The following FAM222A variants were observed in gnomAD, a reference collection of about 807,000 sequenced individuals.
FAM222A encodes the protein family with sequence similarity 222 member A.
In FAM222A, 7 loss-of-function variants were observed where a neutral mutation model predicts 25.8. The observed-to-expected ratio is 0.27, with a 90% CI of 0.15 to 0.51. The LOEUF is 0.51. Among genes scored for constraint, FAM222A ranks in the 20% least tolerant of loss-of-function variants. FAM222A has a pLI of 0.97. For synonymous variants in FAM222A, 294 were observed against 298.8 expected (o/e 0.98, Z 0.17); for missense variants, 573 against 640.5 (o/e 0.89, Z 1.14).
chr12:109,714,883 G>A lies in FAM222A; in HGVS notation c.-61G>A, dbSNP rs1478868821. 2 of 152,744 alleles carry A rather than the reference G, an allele frequency of 1.3e-5. No homozygotes were observed. Among genetic ancestry groups the A allele is most frequent in the Non-Finnish European group, 2.9e-5 (2 of 68,544 alleles). 9.5% of individuals were successfully genotyped at this position (152,744 alleles called of 1,614,324 possible). ...TAGCTGAGACCTGGTGCCCTTCGAC[G>A]GCCTGGCTGATCCGGTGAGTTGTGC... On this transcript the variant is annotated 5_prime_UTR_variant, in exon 1 of 3. Transcript: ENST00000538780. This position sits in a 1 kb window ranked among gnomAD's most constrained non-coding sequence, Gnocchi z 4.2.
intron 1 of FAM222A, among the ~76,000 whole-genome samples, chr12:109,730,609 T>C (rs184876489): frequency 2.7e-3 from 405 of 152,288 alleles, no homozygotes; most frequent in Middle Eastern, 0.014. Flanking sequence ...CTGGGCCCCC[T>C]GAAGCTCTGT....
chr12:109,753,956 G>A (rs77146662), intron 2 of FAM222A, among the ~76,000 whole-genome samples: 4 of 152,328 alleles, frequency 2.6e-5, no homozygotes, highest in South Asian at 2.1e-4. Flanking sequence ...CACCCCTGCC[G>A]CAGGTACCAA....
At chr12:109,754,798 G>C (rs1188768214) in intron 2 of FAM222A, among the ~76,000 whole-genome samples, 1 of 151,854 alleles carries the variant, frequency 6.6e-6, no homozygotes, top group Non-Finnish European at 1.5e-5. Flanking sequence ...CTCCTGAATA[G>C]CTGGGACTAC....
At chr12:109,740,995 G>A (rs1222423236) in intron 1 of FAM222A, among the ~76,000 whole-genome samples, 2 of 152,198 alleles carry the variant, frequency 1.3e-5, no homozygotes, top group Non-Finnish European at 2.9e-5. Context: ...CAGCCTGGCT[G>A]GAAGGAGGGC....
intron 2 of FAM222A, among the ~76,000 whole-genome samples, chr12:109,753,471 C>A (rs1412318601): frequency 2.0e-5 from 3 of 152,042 alleles, no homozygotes; most frequent in Non-Finnish European, 2.9e-5. Context: ...CCTTGGTTTC[C>A]TCTGCTGTGA....
intron 1 of FAM222A, among the ~76,000 whole-genome samples, chr12:109,718,781 C>A (rs997121408): frequency 1.3e-5 from 2 of 152,204 alleles, no homozygotes; most frequent in African/African-American, 4.8e-5. Flanking sequence ...AGGATGTCGA[C>A]TATAATTATA....
chr12:109,760,089 G>A (rs1026182877), intron 2 of FAM222A, among the ~76,000 whole-genome samples: 2 of 152,128 alleles, frequency 1.3e-5, no homozygotes, highest in Admixed American at 6.5e-5. Flanking sequence ...AGCACACAAC[G>A]CAAGCTCCTA....
At chr12:109,757,776 C>T (rs1051924708) in intron 2 of FAM222A, among the ~76,000 whole-genome samples, 7 of 151,208 alleles carry the variant, frequency 4.6e-5, no homozygotes, top group African/African-American at 4.9e-5. Flanking sequence ...GGGGGCGGGA[C>T]GGGTAGGTGA....
intron 1 of FAM222A, among the ~76,000 whole-genome samples, chr12:109,727,905 G>A (rs770514445): frequency 7.2e-5 from 11 of 152,170 alleles, no homozygotes; most frequent in Non-Finnish European, 1.3e-4. Context: ...TCCCTCAATC[G>A]TGGCGGGACT....
intron 1 of FAM222A, among the ~76,000 whole-genome samples, chr12:109,736,178 C>T (rs2086821253): frequency 6.6e-6 from 1 of 152,216 alleles, no homozygotes; most frequent in South Asian, 2.1e-4. Flanking sequence ...GGTTTGCTCT[C>T]CAGCAGCCTG....
intron 1 of FAM222A, chr12:109,736,078 T>A (rs1314841881): frequency 2.0e-5 from 3 of 152,374 alleles, no homozygotes; most frequent in Admixed American, 2.0e-4. Context: ...CTAGCACTAG[T>A]GCAGAGGAAA....
intron 2 of FAM222A, among the ~76,000 whole-genome samples, chr12:109,766,203 A>G (rs764295744): frequency 6.6e-6 from 1 of 152,186 alleles, no homozygotes; most frequent in Non-Finnish European, 1.5e-5. Flanking sequence ...GCCCAGGGCC[A>G]TTCCATCTGC....
chr12:109,722,341 C>T (rs1887760539), intron 1 of FAM222A, among the ~76,000 whole-genome samples: 1 of 152,190 alleles, frequency 6.6e-6, no homozygotes, highest in Admixed American at 6.5e-5. Context: ...ACAGTGAGGT[C>T]CCGTCTAAGA....
chr12:109,755,374 G>A (rs1466991139), intron 2 of FAM222A, among the ~76,000 whole-genome samples: 13 of 123,770 alleles, frequency 1.1e-4, no homozygotes, highest in Admixed American at 2.0e-4. Context: ...GTGTAATGGC[G>A]CAATCTCGGC....
intron 1 of FAM222A, among the ~76,000 whole-genome samples, chr12:109,719,222 A>G (rs897586165): frequency 1.3e-5 from 2 of 152,240 alleles, no homozygotes; most frequent in African/African-American, 4.8e-5. Flanking sequence ...CATAACCCTA[A>G]GAAATGCACA....
chr12:109,742,930 T>C (rs915363916), intron 1 of FAM222A, among the ~76,000 whole-genome samples: 4 of 152,126 alleles, frequency 2.6e-5, no homozygotes, highest in African/African-American at 9.7e-5. Flanking sequence ...CGGCAGAATT[T>C]AGGACTCCAG....
intron 1 of FAM222A, among the ~76,000 whole-genome samples, chr12:109,718,178 C>T (rs1887679691): frequency 6.6e-6 from 1 of 152,238 alleles, no homozygotes; most frequent in Non-Finnish European, 1.5e-5. Flanking sequence ...GTTACCTCCT[C>T]CTCAGAACGG....
At chr12:109,738,134 C>T (rs1888136782) in intron 1 of FAM222A, among the ~76,000 whole-genome samples, 3 of 152,100 alleles carry the variant, frequency 2.0e-5, no homozygotes, top group Non-Finnish European at 2.9e-5. Context: ...TCGTGGGAGC[C>T]CCTAAGGGGG....
At chr12:109,750,745 GTC>G (rs1888538080) in intron 2 of FAM222A, among the ~76,000 whole-genome samples, 1 of 151,434 alleles carries the variant, frequency 6.6e-6, no homozygotes, top group Admixed American at 6.6e-5. Flanking sequence ...ATTCAGAACG[GTC>G]TCTCTATTGC....
Sources: gnomAD v4.1 joint callset for allele counts (sites outside exome capture counted in the v4.1 genomes callset) on GRCh38, gnomAD v4.1.1 for gene constraint, Gnocchi (gnomAD v3.1) non-coding constraint, MANE v1.5 for transcripts, NCBI Gene and HGNC (gene_info 2026-07-23, HGNC 2026-07-21) for gene names.